Variants in CSMD2 observed in about 807,000 individuals in gnomAD.
CSMD2 encodes the protein CUB and sushi domain-containing protein 2.
In CSMD2, 130 loss-of-function variants were observed where a neutral mutation model predicts 398.5. That is an observed-to-expected ratio of 0.33 (90% CI 0.28 to 0.38). The LOEUF (loss-of-function observed/expected upper bound fraction) is 0.38, where lower values mean the gene tolerates loss of function less well. Ranked by LOEUF, CSMD2 falls within the 10% of genes least tolerant of loss-of-function variation. The probability of loss-of-function intolerance (pLI) is 1.00; values close to 1 mark genes in which losing one functional copy is unlikely to be tolerated. For missense variants in CSMD2, 3,829 were observed against 4,764.9 expected, an observed-to-expected ratio of 0.80 and a Z score of 5.78; for synonymous variants, 1,828 against 1,908.5, an observed-to-expected ratio of 0.96 and a Z score of 1.10.
At chr1:33,733,756 C>G (rs865891965) in intron 15 of CSMD2, among the ~76,000 whole-genome samples, 1 of 152,220 alleles carries the variant, frequency 6.6e-6, no homozygotes, top group Admixed American at 6.5e-5. Context: ...GTGCCTGCTT[C>G]TCTTTTGCCT....
At chr1:33,589,472 A>T (rs1185222973) in intron 44 of CSMD2, among the ~76,000 whole-genome samples, 1 of 152,246 alleles carries the variant, frequency 6.6e-6, no homozygotes, top group Non-Finnish European at 1.5e-5. Flanking sequence ...TTGCTAAACA[A>T]AAAAGCAGCA....
At chr1:33,784,159 C>T (rs77736256) in intron 12 of CSMD2, among the ~76,000 whole-genome samples, 2,510 of 152,252 alleles carry the variant, frequency 0.016, 67 homozygotes, top group African/African-American at 0.057. Flanking sequence ...TGGAAGTACA[C>T]GTGATCAACT....
chr1:33,666,798 G>A (rs1644331471), intron 25 of CSMD2, among the ~76,000 whole-genome samples: 1 of 152,146 alleles, frequency 6.6e-6, no homozygotes, highest in South Asian at 2.1e-4. Flanking sequence ...TGCTTTCTCT[G>A]TGGTGATCAA....
intron 4 of CSMD2, among the ~76,000 whole-genome samples, chr1:33,935,243 A>G (rs930971272): frequency 5.9e-5 from 9 of 152,172 alleles, no homozygotes; most frequent in African/African-American, 2.2e-4. Flanking sequence ...TGAGGCCGAC[A>G]CAGCATAGAA....
At chr1:33,639,358 G>A (rs1254281735) in intron 29 of CSMD2, among the ~76,000 whole-genome samples, 2 of 152,182 alleles carry the variant, frequency 1.3e-5, no homozygotes, top group Non-Finnish European at 2.9e-5. Flanking sequence ...CCCTAGCTGG[G>A]AATGACTGGC....
chr1:34,012,241 C>T lies in CSMD2; in HGVS notation c.517+20353G>A, dbSNP rs144244108. Among the ~76,000 whole-genome samples the T allele has an allele frequency of 1.2e-3, 186 of 152,246 alleles. 1 individual carries two copies. The highest frequency in any genetic ancestry group is 3.5e-3 in the African/African-American group (144 of 41,530). ...CTCAGAGCCTTGCCCTTGCTCTTCC[C>T]GCTGCCGGGACACTCTTCTCCCAGG... On this transcript the variant is annotated intron_variant, in intron 3 of 70. Coordinates refer to ENST00000373381, the MANE Select transcript of CSMD2 (RefSeq NM_001281956.2).
intron 6 of CSMD2, among the ~76,000 whole-genome samples, chr1:33,832,932 C>T (rs895984801): frequency 6.6e-6 from 1 of 152,024 alleles, no homozygotes; most frequent in Non-Finnish European, 1.5e-5. Flanking sequence ...ACACATACAC[C>T]CTCCCAAGAC....
chr1:34,034,789 T>A (rs1036520205), intron 2 of CSMD2, among the ~76,000 whole-genome samples: 2 of 152,160 alleles, frequency 1.3e-5, no homozygotes, highest in Admixed American at 1.3e-4. Context: ...ATTAAAAGCA[T>A]GTATGTGTGA....
rs761241088 is a variant in CSMD2 at position 33,533,939 on chromosome 1, T to C, written c.9880-32A>G. 1 of 1,427,164 alleles carries C rather than the reference T, an allele frequency of 7.0e-7. No homozygotes were observed. Among genetic ancestry groups the C allele is most frequent in the Non-Finnish European group, 9.9e-7 (1 of 1,011,366 alleles). 88.4% of individuals were successfully genotyped at this position (1,427,164 alleles called of 1,614,324 possible). ...CAAGATACAAAGTCCCATCAGCCCC[T>C]TCCTTTCAGCGGTGCTTCCTACGTC... On this transcript the variant is annotated intron_variant, in intron 62 of 70. Transcript: ENST00000373381. The surrounding 1 kb of genome is among the most constrained non-coding windows in gnomAD (Gnocchi z 4.2).
chr1:33,590,624 C>CAT (rs1184258194), intron 44 of CSMD2, among the ~76,000 whole-genome samples: 8 of 151,472 alleles, frequency 5.3e-5, no homozygotes, highest in Non-Finnish European at 1.0e-4. Flanking sequence ...CACACACACA[C>CAT]ACACACACAC....
chr1:34,079,750 T>C (rs1486357389), intron 2 of CSMD2, among the ~76,000 whole-genome samples: 4 of 152,104 alleles, frequency 2.6e-5, no homozygotes, highest in Admixed American at 1.3e-4. Flanking sequence ...GCTTAAAACA[T>C]GTTCTAAAGA....
At chr1:33,678,024 C>G (rs554451285) in intron 25 of CSMD2, among the ~76,000 whole-genome samples, 2 of 151,042 alleles carry the variant, frequency 1.3e-5, no homozygotes, top group Non-Finnish European at 2.9e-5. Flanking sequence ...TGAGTTAATG[C>G]GTGCAGCACA....
At chr1:34,082,387 C>T (rs867116648) in intron 2 of CSMD2, among the ~76,000 whole-genome samples, 6 of 152,022 alleles carry the variant, frequency 3.9e-5, no homozygotes, top group Non-Finnish European at 5.9e-5. Flanking sequence ...GGGGCGACCC[C>T]GCCCAGCAGC....
chr1:33,574,879 C>T (rs945473319), intron 49 of CSMD2, among the ~76,000 whole-genome samples: 3 of 152,216 alleles, frequency 2.0e-5, no homozygotes, highest in Non-Finnish European at 2.9e-5. Context: ...TGCCCAGCTT[C>T]CTTAAATCCT....
chr1:34,010,708 T>A (rs991212825), intron 3 of CSMD2, among the ~76,000 whole-genome samples: 3 of 152,136 alleles, frequency 2.0e-5, no homozygotes, highest in Non-Finnish European at 4.4e-5. Flanking sequence ...AAGCTCCGCC[T>A]CCCAGGTTCA....
chr1:34,022,938 C>A (rs1021504273), intron 3 of CSMD2, among the ~76,000 whole-genome samples: 1 of 152,114 alleles, frequency 6.6e-6, no homozygotes, highest in African/African-American at 2.4e-5. Flanking sequence ...CTCTAGTGAT[C>A]CTCCTGCCTG....
chr1:34,085,826 C>A (rs976092277), intron 2 of CSMD2, among the ~76,000 whole-genome samples: 42 of 152,006 alleles, frequency 2.8e-4, no homozygotes, highest in African/African-American at 9.9e-4. Flanking sequence ...CTGAGGTGAA[C>A]AAAGACTCTT....
intron 23 of CSMD2, 102 bp downstream of exon 23, chr1:33,700,415 A>C: frequency 4.6e-6 from 6 of 1,295,984 alleles, no homozygotes; most frequent in Non-Finnish European, 6.5e-6. Context: ...AACAGTCTTA[A>C]GAGCACATTC....
intron 29 of CSMD2, among the ~76,000 whole-genome samples, chr1:33,640,736 A>AT (rs1305902417): frequency 6.6e-6 from 1 of 152,250 alleles, no homozygotes; most frequent in Non-Finnish European, 1.5e-5. Context: ...CTTTAAGAGT[A>AT]TATCTTATAT....
Sources: allele counts gnomAD v4.1 joint callset (sites outside exome capture counted in the v4.1 genomes callset), GRCh38; gene constraint gnomAD v4.1.1; non-coding constraint Gnocchi (gnomAD v3.1); transcripts MANE v1.5; gene names NCBI Gene and HGNC (gene_info 2026-07-23, HGNC 2026-07-21).